The following GPM6A variants were observed in gnomAD, a reference collection of about 807,000 sequenced individuals.
The protein encoded by GPM6A is neuronal membrane glycoprotein M6-a.
In GPM6A, 7 loss-of-function variants were observed where a neutral mutation model predicts 32.1. The ratio of observed to expected loss-of-function variants is 0.22; its 90% CI spans 0.12 to 0.41. The LOEUF (loss-of-function observed/expected upper bound fraction) is 0.41. Among genes scored for constraint, GPM6A ranks in the 10% least tolerant of loss-of-function variants. GPM6A has a pLI of 1.00. For missense variants in GPM6A, 235 were observed against 347.2 expected (o/e 0.68, Z 2.57); for synonymous variants, 130 against 123.4 (o/e 1.05, Z -0.35).
chr4:175,831,879 C>T (rs928546180), intron 1 of GPM6A, among the ~76,000 whole-genome samples: 9 of 151,770 alleles, frequency 5.9e-5, no homozygotes, highest in Admixed American at 1.3e-4. Flanking sequence ...CCACCACACC[C>T]GGCTAATTTT....
chr4:175,756,059 C>T (rs1732511180), intron 1 of GPM6A, among the ~76,000 whole-genome samples: 1 of 151,994 alleles, frequency 6.6e-6, no homozygotes, highest in South Asian at 2.1e-4. Flanking sequence ...GATCATATCA[C>T]TATAGGAGCT....
intron 2 of GPM6A, among the ~76,000 whole-genome samples, chr4:175,684,499 A>T (rs1158475604): frequency 6.6e-6 from 1 of 152,208 alleles, no homozygotes; most frequent in Non-Finnish European, 1.5e-5. Flanking sequence ...ATAAAATCTA[A>T]TTTTATCAAA....
intron 1 of GPM6A, among the ~76,000 whole-genome samples, chr4:175,950,422 T>G (rs997409204): frequency 2.0e-5 from 3 of 152,208 alleles, no homozygotes; most frequent in Non-Finnish European, 4.4e-5. Flanking sequence ...GGATATAATT[T>G]TGAAATGTGA....
chr4:175,671,640 GA>G (rs1743076090), intron 3 of GPM6A, among the ~76,000 whole-genome samples: 1 of 152,150 alleles, frequency 6.6e-6, no homozygotes, highest in Admixed American at 6.5e-5. Context: ...ATGGTTGGCA[GA>G]GGGGAAGGGA....
At chr4:175,770,605 T>C (rs113966419) in intron 1 of GPM6A, among the ~76,000 whole-genome samples, 3 of 152,162 alleles carry the variant, frequency 2.0e-5, no homozygotes, top group African/African-American at 7.2e-5. Flanking sequence ...TCCTTCAGCA[T>C]TGCACATGTG....
chr4:175,951,774 G>A (rs776958666), intron 1 of GPM6A, among the ~76,000 whole-genome samples: 29 of 152,294 alleles, frequency 1.9e-4, no homozygotes, highest in South Asian at 2.1e-4. Flanking sequence ...AATGCGGAGC[G>A]TGTTTGTGAA....
chr4:175,954,353 C>T (rs1321846305), intron 1 of GPM6A, among the ~76,000 whole-genome samples: 4 of 152,098 alleles, frequency 2.6e-5, no homozygotes, highest in African/African-American at 4.8e-5. Flanking sequence ...GTGTGGCCCC[C>T]GTGGCTAGGT....
At position 175,921,718 on chromosome 4, in the gene GPM6A, A is replaced by G. The variant is rs142831654; in HGVS notation, c.-23+80591T>C. ...GTATTTTACACCACAGAAAGTATTC[A>G]AATCCTGACCATGAGCCATCACCTT... On this transcript the variant is annotated intron_variant, in intron 1 of 7. Transcript: ENST00000280187. 1.4e-4 allele frequency among the ~76,000 whole-genome samples: 21 copies of G among 152,326 alleles called. 1 individual carries two copies. Among genetic ancestry groups the G allele is most frequent in the African/African-American group, 2.4e-4 (10 of 41,582 alleles).
intron 1 of GPM6A, among the ~76,000 whole-genome samples, chr4:175,798,321 G>C (rs982102531): frequency 1.3e-5 from 2 of 152,056 alleles, no homozygotes; most frequent in Admixed American, 1.3e-4. Flanking sequence ...TAAACTTGAC[G>C]TTAAGATTAC....
rs551572323 is a variant in GPM6A, at chr4:175,699,315, T to C, written c.230+2260A>G. 8.5e-5 allele frequency among the ~76,000 whole-genome samples: 13 copies of C among 152,300 alleles called. No individual in the cohort carries two copies. The East Asian group carries it at 2.3e-3, about 27-fold the overall frequency. ...TTATAATCTTTAAAGGGTTGATTCA[T>C]GCTATTTGAATCTAAGGCATTGATA... On this transcript the variant is annotated intron_variant, in intron 2 of 6. Coordinates refer to ENST00000393658, the MANE Select transcript of GPM6A (RefSeq NM_201591.3).
chr4:175,681,149 T>A (rs560988598), intron 2 of GPM6A, among the ~76,000 whole-genome samples: 3 of 152,314 alleles, frequency 2.0e-5, no homozygotes, highest in Admixed American at 2.0e-4. Context: ...ATTAAAGACA[T>A]ATGTAGTTTT....
chr4:175,658,170 C>T (rs1320124105), intron 3 of GPM6A, among the ~76,000 whole-genome samples: 1 of 151,920 alleles, frequency 6.6e-6, no homozygotes, highest in Non-Finnish European at 1.5e-5. Flanking sequence ...GCCAAAATGT[C>T]CTTCAGTAGA....
chr4:175,662,275 C>G (rs1742468327), intron 3 of GPM6A, among the ~76,000 whole-genome samples: 3 of 152,024 alleles, frequency 2.0e-5, no homozygotes, highest in African/African-American at 7.2e-5. Flanking sequence ...ACACTTTCAA[C>G]TAGTGCTTCG....
intron 2 of GPM6A, among the ~76,000 whole-genome samples, chr4:175,690,034 C>T (rs897004302): frequency 1.3e-5 from 2 of 152,128 alleles, no homozygotes; most frequent in African/African-American, 2.4e-5. Flanking sequence ...ATGGCTGTTA[C>T]GGGCTTTGTG....
chr4:175,673,019 A>T (rs1458653791), intron 3 of GPM6A, among the ~76,000 whole-genome samples: 2 of 152,206 alleles, frequency 1.3e-5, no homozygotes, highest in African/African-American at 4.8e-5. Flanking sequence ...TAACATTAGA[A>T]AAAAGGAAAA....
At chr4:175,778,322 G>A (rs1733473141) in intron 1 of GPM6A, among the ~76,000 whole-genome samples, 2 of 151,930 alleles carry the variant, frequency 1.3e-5, no homozygotes, top group African/African-American at 4.8e-5. Flanking sequence ...AATAGCCCAG[G>A]TCCATGATGA....
intron 1 of GPM6A, among the ~76,000 whole-genome samples, chr4:175,997,350 G>A (rs893064027): frequency 1.3e-5 from 2 of 152,092 alleles, no homozygotes; most frequent in Admixed American, 1.3e-4. Context: ...GATTTTCTAA[G>A]GAAAATAACA....
In GPM6A at chr4:175,759,230, T is replaced by C. The variant is rs73006368; in HGVS notation, c.37+52961A>G. Among the ~76,000 whole-genome samples, 782 of 152,084 alleles carry C rather than the reference T, an allele frequency of 5.1e-3. 6 individuals are homozygous for C. Among genetic ancestry groups the C allele is most frequent in the African/African-American group, 0.017 (717 of 41,506 alleles). On this transcript the variant is annotated intron_variant, in intron 1 of 6. Coordinates refer to ENST00000393658, the MANE Select transcript of GPM6A (RefSeq NM_201591.3). ...TATGGGTTTTTCATAAGTGGTTATC[T>C]GCCTCATGATGATGGTTTTGTGATT... is the stretch of plus-strand genomic sequence containing the variant.
chr4:175,722,645 C>T (rs893035859), intron 1 of GPM6A, among the ~76,000 whole-genome samples: 5 of 151,948 alleles, frequency 3.3e-5, no homozygotes, highest in African/African-American at 4.8e-5. Flanking sequence ...ACACCTCACC[C>T]GGCAGGTAAC....
Sources: gnomAD v4.1 joint callset for allele counts (sites outside exome capture counted in the v4.1 genomes callset) on GRCh38, gnomAD v4.1.1 for gene constraint, MANE v1.5 for transcripts, NCBI Gene and HGNC (gene_info 2026-07-23, HGNC 2026-07-21) for gene names.